VTI1A: variants seen among roughly 807,000 people sequenced by gnomAD.
VTI1A encodes the protein vesicle transport through interaction with t-SNAREs homolog 1A.
Under a neutral mutation model 34.9 loss-of-function variants are expected in VTI1A, and 22 were observed. The ratio of observed to expected loss-of-function variants is 0.63; its 90% CI spans 0.45 to 0.90. The LOEUF (loss-of-function observed/expected upper bound fraction) is 0.90. Ranked by LOEUF, VTI1A falls within the 40% of genes least tolerant of loss-of-function variation. The probability of loss-of-function intolerance (pLI) is 0.00; values close to 1 mark genes in which losing one functional copy is unlikely to be tolerated. For synonymous variants in VTI1A, 87 were observed against 97.3 expected (o/e 0.89, Z 0.62); for missense variants, 268 against 275.6 (o/e 0.97, Z 0.20).
the VTI1A span, among the ~76,000 whole-genome samples, chr10:112,855,331 T>G: frequency 6.6e-6 from 1 of 152,178 alleles, no homozygotes; most frequent in African/African-American, 2.4e-5. Flanking sequence ...CAGAGAGGGT[T>G]CCTAATTGGC....
intron 3 of VTI1A, among the ~76,000 whole-genome samples, chr10:112,525,474 G>A (rs189177426): frequency 6.6e-6 from 1 of 152,246 alleles, no homozygotes; most frequent in African/African-American, 2.4e-5. Context: ...ACTGAGCTGT[G>A]AGTCAGGACC....
chr10:112,739,137 A>G (rs1458122953), intron 7 of VTI1A, among the ~76,000 whole-genome samples: 1 of 152,030 alleles, frequency 6.6e-6, no homozygotes, highest in Non-Finnish European at 1.5e-5. Flanking sequence ...ACCTTGTCAT[A>G]CTTGTGTGTG....
At position 112,723,031 on chromosome 10, in the gene VTI1A, C is replaced by T. The variant is rs560633423; in HGVS notation, c.560+54033C>T. ...CTTTGTCCACTTACTAGCTTTGTGA[C>T]GTCAGGAAAGTTATTTTAATCACTC... On this transcript the variant is annotated intron_variant, in intron 7 of 7. Transcript: ENST00000393077. Among the ~76,000 whole-genome samples, 146 of 152,174 alleles carry T rather than the reference C, an allele frequency of 9.6e-4. 3 individuals are homozygous for T. In the South Asian group the frequency reaches 0.029, roughly 30 times the overall value.
At chr10:112,655,310 A>G (rs1847192077) in intron 5 of VTI1A, among the ~76,000 whole-genome samples, 1 of 152,334 alleles carries the variant, frequency 6.6e-6, no homozygotes, top group Non-Finnish European at 1.5e-5. Context: ...AGAGCAGAAA[A>G]AATTAACCCA....
chr10:112,543,626 G>T (rs1298108726), intron 5 of VTI1A, among the ~76,000 whole-genome samples: 4 of 152,152 alleles, frequency 2.6e-5, no homozygotes, highest in Non-Finnish European at 4.4e-5. Flanking sequence ...CCATTCTGTA[G>T]GTTGCCTGTT....
chr10:112,664,650 T>C (rs1377679636), intron 5 of VTI1A, among the ~76,000 whole-genome samples: 2 of 152,154 alleles, frequency 1.3e-5, no homozygotes, highest in African/African-American at 2.4e-5. Context: ...GATTGAAAAG[T>C]AAAGGAAATG....
chr10:112,806,874 A>G (rs1853102114), intron 7 of VTI1A, among the ~76,000 whole-genome samples: 1 of 152,170 alleles, frequency 6.6e-6, no homozygotes, highest in South Asian at 2.1e-4. Flanking sequence ...GGCATGAGCC[A>G]ATGTACCTGG....
At chr10:112,601,528 ACT>A (rs1844877680) in intron 5 of VTI1A, among the ~76,000 whole-genome samples, 1 of 149,782 alleles carries the variant, frequency 6.7e-6, no homozygotes. Context: ...TGCCTTGTCG[ACT>A]CTCTTTATTT....
intron 7 of VTI1A, among the ~76,000 whole-genome samples, chr10:112,789,240 CT>C (rs1852386574): frequency 6.6e-6 from 1 of 151,918 alleles, no homozygotes; most frequent in African/African-American, 2.4e-5. Flanking sequence ...AAAAAAAATT[CT>C]CTTATTCTTT....
chr10:112,749,134 A>T (rs1031792954), intron 7 of VTI1A, among the ~76,000 whole-genome samples: 1 of 152,212 alleles, frequency 6.6e-6, no homozygotes, highest in Non-Finnish European at 1.5e-5. Flanking sequence ...ATATGCATTA[A>T]TACATGAACC....
At chr10:112,681,390 C>T (rs1442534196) in intron 7 of VTI1A, among the ~76,000 whole-genome samples, 2 of 152,168 alleles carry the variant, frequency 1.3e-5, no homozygotes, top group Non-Finnish European at 2.9e-5. Flanking sequence ...CAGGAGCCTT[C>T]AGCTTTTAGA....
At chr10:112,753,532 T>C (rs1451094887) in intron 7 of VTI1A, among the ~76,000 whole-genome samples, 1 of 152,198 alleles carries the variant, frequency 6.6e-6, no homozygotes, top group Non-Finnish European at 1.5e-5. Context: ...TATCTGATAG[T>C]GGATAGCATG....
At chr10:112,544,617 C>T (rs187517632) in intron 5 of VTI1A, among the ~76,000 whole-genome samples, 25 of 151,458 alleles carry the variant, frequency 1.7e-4, no homozygotes, top group Middle Eastern at 3.4e-3. Flanking sequence ...CCCTGTCCCC[C>T]GCCTCCAGAA....
chr10:112,468,579 T>C (rs1255269238), intron 3 of VTI1A, among the ~76,000 whole-genome samples: 2 of 152,148 alleles, frequency 1.3e-5, no homozygotes, highest in Non-Finnish European at 2.9e-5. Context: ...CAATACTGTT[T>C]TCTTTGACTC....
the VTI1A span, among the ~76,000 whole-genome samples, chr10:112,848,021 T>TAATA: frequency 1.3e-5 from 2 of 152,012 alleles, no homozygotes; most frequent in Admixed American, 6.6e-5. Context: ...AGAAAAAAAA[T>TAATA]AATAAACTGT....
intron 7 of VTI1A, among the ~76,000 whole-genome samples, chr10:112,761,977 G>C (rs972418450): frequency 6.6e-6 from 1 of 152,106 alleles, no homozygotes; most frequent in Non-Finnish European, 1.5e-5. Context: ...GTCCTGGACA[G>C]CATTATGCTT....
chr10:112,669,421 G>A (rs186051004), intron 7 of VTI1A, among the ~76,000 whole-genome samples: 1 of 152,204 alleles, frequency 6.6e-6, no homozygotes, highest in East Asian at 1.9e-4. Context: ...TTTAAGTGAC[G>A]CTGTTTGGGG....
At chr10:112,813,691 G>A (rs1853402601) in intron 7 of VTI1A, among the ~76,000 whole-genome samples, 1 of 152,226 alleles carries the variant, frequency 6.6e-6, no homozygotes, top group Non-Finnish European at 1.5e-5. Context: ...TTGGGGGACA[G>A]AGAATCTTCC....
intron 7 of VTI1A, among the ~76,000 whole-genome samples, chr10:112,787,698 C>CTTTTTTTTT (rs34862909): frequency 3.9e-5 from 4 of 103,274 alleles, no homozygotes; most frequent in African/African-American, 7.8e-5. Flanking sequence ...TTTTTCTTTT[C>CTTTTTTTTT]TTTTTTTTTT....
Sources: gnomAD v4.1 joint callset for allele counts (sites outside exome capture counted in the v4.1 genomes callset) on GRCh38, gnomAD v4.1.1 for gene constraint, MANE v1.5 for transcripts, NCBI Gene and HGNC (gene_info 2026-07-23, HGNC 2026-07-21) for gene names.